Variants in NAALADL2 observed in about 807,000 individuals in gnomAD.
NAALADL2 encodes inactive N-acetylated-alpha-linked acidic dipeptidase-like protein 2.
In NAALADL2, 76 loss-of-function variants were observed where a neutral mutation model predicts 87.2. That is an observed-to-expected ratio of 0.87 (90% CI 0.72 to 1.05). The LOEUF (loss-of-function observed/expected upper bound fraction) is 1.05. Ranked by LOEUF, NAALADL2 falls within the 50% of genes least tolerant of loss-of-function variation. The pLI, the probability that NAALADL2 is intolerant of heterozygous loss-of-function variation, is 0.00. For missense variants in NAALADL2, 1,089 were observed against 945.8 expected (o/e 1.15, Z -1.99); for synonymous variants, 354 against 331.0 (o/e 1.07, Z -0.75).
chr3:175,120,310 T>G (rs781640677), intron 2 of NAALADL2, among the ~76,000 whole-genome samples: 27 of 151,788 alleles, frequency 1.8e-4, no homozygotes, highest in Non-Finnish European at 2.7e-4. Flanking sequence ...ATGTGCTATG[T>G]TTTTCTGGCA....
chr3:175,268,809 A>G (rs571251221), intron 4 of NAALADL2, among the ~76,000 whole-genome samples: 3 of 152,196 alleles, frequency 2.0e-5, no homozygotes, highest in African/African-American at 7.2e-5. Context: ...TTCCACCTCC[A>G]TGTCTTGTCC....
At position 175,167,102 on chromosome 3, in the gene NAALADL2, G is replaced by A. The variant is rs575226389; in HGVS notation, c.546-66829G>A. Among the ~76,000 whole-genome samples, 6 of 151,818 alleles carry A rather than the reference G, an allele frequency of 4.0e-5. No individual in the cohort carries two copies. In the South Asian group the frequency reaches 8.3e-4, roughly 21 times the overall value. ...CCATTCTTGTTTCCTTCTAATCCAG[G>A]GGTCTGCAGACTTTTTCTATAAACA... On this transcript the variant is annotated intron_variant, in intron 2 of 13. Transcript: ENST00000454872.
intron 11 of NAALADL2, among the ~76,000 whole-genome samples, chr3:175,699,061 C>A (rs1303395561): frequency 6.6e-6 from 1 of 151,782 alleles, no homozygotes; most frequent in African/African-American, 2.4e-5. Context: ...AAGTACTTTT[C>A]CTTTACATAT....
At chr3:174,830,272 C>A (rs2109365764) in intron 3 of NAALADL2, among the ~76,000 whole-genome samples, 2 of 149,454 alleles carry the variant, frequency 1.3e-5, no homozygotes, top group East Asian at 2.0e-4. Context: ...AGTCTTTAAT[C>A]CATCTTGAAT....
chr3:174,957,810 A>G (rs564022870), intron 1 of NAALADL2, among the ~76,000 whole-genome samples: 12 of 152,116 alleles, frequency 7.9e-5, no homozygotes, highest in Admixed American at 1.3e-4. Context: ...AGAAGCTTTG[A>G]GGCTCAGTGT....
chr3:175,781,794 C>A (rs957528665), intron 13 of NAALADL2, among the ~76,000 whole-genome samples: 2 of 151,698 alleles, frequency 1.3e-5, no homozygotes, highest in Non-Finnish European at 2.9e-5. Context: ...ATGTGCCATG[C>A]TGGTGTGCTG....
chr3:175,479,143 G>GTGGA (rs146333948), intron 9 of NAALADL2, among the ~76,000 whole-genome samples: 8,143 of 151,736 alleles, frequency 0.054, 303 homozygotes, highest in Non-Finnish European at 0.079. Context: ...TTTATAAATT[G>GTGGA]TGGATTCTTG....
chr3:174,834,652 G>T (rs183380744), intron 3 of NAALADL2, among the ~76,000 whole-genome samples: 1 of 151,648 alleles, frequency 6.6e-6, no homozygotes, highest in Non-Finnish European at 1.5e-5. Flanking sequence ...TTATATACTA[G>T]TAAAATACTA....
intron 4 of NAALADL2, among the ~76,000 whole-genome samples, chr3:175,273,877 T>C (rs1753208118): frequency 6.6e-6 from 1 of 152,196 alleles, no homozygotes; most frequent in Admixed American, 6.5e-5. Context: ...CATGCATTGC[T>C]GTTACAGTTT....
At chr3:174,991,471 A>AT (rs56906242) in intron 1 of NAALADL2, among the ~76,000 whole-genome samples, 46,390 of 151,806 alleles carry the variant, frequency 0.31, 9,425 homozygotes, top group African/African-American at 0.58. Flanking sequence ...GAGACATTTA[A>AT]TTTTTTATTT....
At chr3:175,202,775 C>T (rs1490188646) in intron 2 of NAALADL2, among the ~76,000 whole-genome samples, 1 of 152,012 alleles carries the variant, frequency 6.6e-6, no homozygotes, top group Non-Finnish European at 1.5e-5. Context: ...TCAGACTCTG[C>T]TTGGGTGGGT....
intron 2 of NAALADL2, among the ~76,000 whole-genome samples, chr3:175,170,635 A>C (rs921888958): frequency 6.6e-6 from 1 of 151,196 alleles, no homozygotes; most frequent in Non-Finnish European, 1.5e-5. Context: ...CCAAAACAAT[A>C]CAAAGGATTT....
chr3:174,793,339 G>A (rs938947047), intron 3 of NAALADL2, among the ~76,000 whole-genome samples: 2 of 151,926 alleles, frequency 1.3e-5, no homozygotes, highest in Non-Finnish European at 2.9e-5. Flanking sequence ...TAGTCATGGT[G>A]GATAATCTCT....
chr3:174,704,450 G>C (rs1377527126), intron 2 of NAALADL2, among the ~76,000 whole-genome samples: 2 of 151,850 alleles, frequency 1.3e-5, no homozygotes, highest in African/African-American at 4.8e-5. Flanking sequence ...TTTTAATTTG[G>C]TATTTAAATT....
At chr3:175,286,706 GTCT>G (rs1755018767) in intron 4 of NAALADL2, among the ~76,000 whole-genome samples, 2 of 152,042 alleles carry the variant, frequency 1.3e-5, no homozygotes. Context: ...GATAATGCCA[GTCT>G]TCTTATTTCT....
At chr3:175,318,837 C>T (rs1415408005) in intron 4 of NAALADL2, among the ~76,000 whole-genome samples, 1 of 152,168 alleles carries the variant, frequency 6.6e-6, no homozygotes, top group African/African-American at 2.4e-5. Flanking sequence ...TTTCTGGTCC[C>T]AGGGTTTCAA....
intron 9 of NAALADL2, among the ~76,000 whole-genome samples, chr3:175,539,324 T>A (rs1393887893): frequency 6.6e-6 from 1 of 152,196 alleles, no homozygotes; most frequent in African/African-American, 2.4e-5. Context: ...AATCCTTTTT[T>A]ATTATTAAAT....
chr3:175,451,306 G>A (rs190957551), intron 6 of NAALADL2, among the ~76,000 whole-genome samples: 2 of 151,922 alleles, frequency 1.3e-5, no homozygotes, highest in African/African-American at 4.8e-5. Flanking sequence ...GGACAGCTGG[G>A]CATTTGTATC....
chr3:175,222,301 A>ATAT (rs1380168047), intron 2 of NAALADL2, among the ~76,000 whole-genome samples: 17 of 152,290 alleles, frequency 1.1e-4, no homozygotes, highest in South Asian at 2.1e-4. Flanking sequence ...ATCTGGGAAT[A>ATAT]TATTAGCCTT....
Sources: gnomAD v4.1 joint callset for allele counts (sites outside exome capture counted in the v4.1 genomes callset) on GRCh38, gnomAD v4.1.1 for gene constraint, MANE v1.5 for transcripts, NCBI Gene and HGNC (gene_info 2026-07-23, HGNC 2026-07-21) for gene names.